The following RIF1 variants were observed in gnomAD, a reference collection of about 807,000 sequenced individuals.
The protein encoded by RIF1 is replication timing regulatory factor 1.
RIF1 carries 45 observed loss-of-function variants against 247.1 expected under a neutral mutation model. That is an observed-to-expected ratio of 0.18 (90% CI 0.14 to 0.23). RIF1 has a LOEUF of 0.23. Ranked by LOEUF, RIF1 falls within the 10% of genes least tolerant of loss-of-function variation. The pLI is 1.00. For synonymous variants in RIF1, 1,087 were observed against 978.8 expected (o/e 1.11, Z -2.06); for missense variants, 2,967 against 2,862.5 (o/e 1.04, Z -0.83).
intron 21 of RIF1, among the ~76,000 whole-genome samples, chr2:151,452,774 A>AGT (rs1388501611): frequency 6.6e-6 from 1 of 152,232 alleles, no homozygotes; most frequent in Non-Finnish European, 1.5e-5. Flanking sequence ...AAGCCACTGA[A>AGT]GTTTCATAGA....
the RIF1 span, chr2:151,520,039 CAAAA>C: frequency 2.3e-4 from 37 of 159,024 alleles, no homozygotes; most frequent in South Asian, 4.2e-4. Context: ...TAATGCAAAA[CAAAA>C]AAAAAAAAAA....
Position 151,458,853 on chromosome 2 carries a change from G to T in RIF1, c.2898G>T (p.Leu966Phe). The change falls in exon 25 of 36, where the codon TTG becomes TTT. Residue 966 changes from leucine to phenylalanine, a missense_variant. By Grantham distance (22) the Leu-to-Phe change is conservative. Coordinates refer to ENST00000444746, the MANE Select transcript of RIF1 (RefSeq NM_018151.5). ...CCAAACAAAAATTTCTGCTCCTGTT[G>T]CCTGGTTTGGAAACTGTTGAAATGA... ...TQAKQKFLLL[L>F]PGLETVEMME... 1 of 1,613,156 alleles carries T rather than the reference G, an allele frequency of 6.2e-7. No individual in the cohort carries two copies. The highest frequency in any genetic ancestry group is 1.1e-5 in the South Asian group (1 of 90,972).
At position 151,466,073 on chromosome 2, in the gene RIF1, G is replaced by A. The variant is rs1429232105; in HGVS notation, c.6553G>A (p.Gly2185Arg). The A allele has an allele frequency of 1.1e-5, 17 of 1,601,244 alleles. No homozygotes were observed. Among genetic ancestry groups the A allele is most frequent in the Non-Finnish European group, 1.4e-5 (17 of 1,172,944 alleles). The stretch of plus-strand genomic sequence containing the variant: ...TCCGTCTACGAGCATTTTAAAGAGA[G>A]GACTAAAAAGATCCCAAGAAGATGA... ...ASPSTSILKR[G>R]LKRSQEDEIS... Residue 2185 changes from glycine (G) to arginine (R), a missense_variant, in exon 30 of 36, where the codon GGA becomes AGA. Transcript: ENST00000444746.
chr2:151,454,139 A>G (rs1433632536), intron 21 of RIF1, among the ~76,000 whole-genome samples: 1 of 152,210 alleles, frequency 6.6e-6, no homozygotes, highest in Non-Finnish European at 1.5e-5. Context: ...CTTGTTTTTC[A>G]TGTTACCATA....
the RIF1 span, chr2:151,532,177 A>C: frequency 4.0e-6 from 1 of 247,586 alleles, no homozygotes; most frequent in Non-Finnish European, 7.8e-6. Flanking sequence ...GCTCACTGCA[A>C]CCTCCACCTC....
chr2:151,468,797 C>A, intron 33 of RIF1, 41 bp downstream of exon 33: 1 of 1,372,100 alleles, frequency 7.3e-7, no homozygotes, highest in Non-Finnish European at 1.0e-6. Flanking sequence ...TTCCAAGATG[C>A]CACTTATTTA....
At chr2:151,524,299 C>T in the RIF1 span, 1 of 1,607,826 alleles carries the variant, frequency 6.2e-7, no homozygotes, top group Non-Finnish European at 8.5e-7. Flanking sequence ...CCAGTGCACC[C>T]ATCTGCATTA....
rs752076078 is a variant in RIF1 at position 151,465,127 on chromosome 2, G to C, written c.5607G>C (p.Ser1869=). 2 of 1,612,676 alleles carry C rather than the reference G, an allele frequency of 1.2e-6. No homozygotes were observed. Among genetic ancestry groups the C allele is most frequent in the African/African-American group, 2.7e-5 (2 of 74,702 alleles). Residue 1869 remains serine (S), a synonymous_variant, in exon 30 of 36, where the codon TCG becomes TCC. Transcript: ENST00000444746. ...CTGTTGGCCCGTGTTTAGGAGACTCGAAAAATGTTTCACAGGAATCTTTGG... is the reference window on the plus strand; with the variant it reads ...CTGTTGGCCCGTGTTTAGGAGACTCCAAAAATGTTTCACAGGAATCTTTGG... ...FKTVGPCLGD[S]KNVSQESLET...
At chr2:151,496,420 G>A in intron 10 of RIF1, 1 of 1,551,630 alleles carries the variant, frequency 6.4e-7, no homozygotes, top group South Asian at 1.2e-5. Context: ...CATTTCATTT[G>A]TTGAGAGGTT....
the RIF1 span, chr2:151,514,982 A>T: frequency 1.8e-6 from 2 of 1,102,546 alleles, no homozygotes; most frequent in East Asian, 2.6e-5. Flanking sequence ...ATTACAATAT[A>T]TCTCTCCATC....
chr2:151,445,737 G>GC (rs1309128644), intron 19 of RIF1, among the ~76,000 whole-genome samples: 3 of 151,888 alleles, frequency 2.0e-5, no homozygotes, highest in African/African-American at 7.3e-5. Flanking sequence ...TAGTAGAAAT[G>GC]GAGTTTCACC....
chr2:151,473,064 A>C (rs929667285), intron 34 of RIF1, among the ~76,000 whole-genome samples: 1 of 152,042 alleles, frequency 6.6e-6, no homozygotes, highest in Non-Finnish European at 1.5e-5. Flanking sequence ...TATCCAGTTG[A>C]CAGACATTTG....
chr2:151,449,155 G>C (rs1048311941), intron 20 of RIF1, among the ~76,000 whole-genome samples: 1 of 152,076 alleles, frequency 6.6e-6, no homozygotes, highest in Non-Finnish European at 1.5e-5. Context: ...ATACTTGCTT[G>C]TTGCTGAAGG....
At chr2:151,507,617 G>A (rs907785672) in intron 13 of RIF1, 17 of 205,688 alleles carry the variant, frequency 8.3e-5, no homozygotes, top group Non-Finnish European at 1.1e-4. Flanking sequence ...TCACACTTCC[G>A]CATCTCTATC....
At chr2:151,529,206 T>G in the RIF1 span, 3 of 1,597,460 alleles carry the variant, frequency 1.9e-6, no homozygotes, top group Non-Finnish European at 2.6e-6. Context: ...TTTCTGGAAC[T>G]TACATTGGTG....
At chr2:151,445,993 G>A (rs1693199263) in intron 19 of RIF1, among the ~76,000 whole-genome samples, 1 of 152,104 alleles carries the variant, frequency 6.6e-6, no homozygotes, top group South Asian at 2.1e-4. Flanking sequence ...TGGGGGAAAG[G>A]TTATTACCCT....
chr2:151,420,235 G>A lies in RIF1; in HGVS notation c.549G>A (p.Arg183=). The A allele has an allele frequency of 6.2e-7, 1 of 1,614,114 alleles. No individual in the cohort carries two copies. The highest frequency in any genetic ancestry group is 8.5e-7 in the Non-Finnish European group (1 of 1,180,006). The change falls in exon 7 of 36, where the codon AGG becomes AGA. Residue 183 remains arginine (R), a synonymous_variant. Transcript: ENST00000444746. ...TTCAAATGGGAGAAGAGGCAGTGAGGTGGGCAAAACTGGTCATACCTTTAG... is the reference window on the plus strand; with the variant it reads ...TTCAAATGGGAGAAGAGGCAGTGAGATGGGCAAAACTGGTCATACCTTTAG... ...APIQMGEEAV[R]WAKLVIPLVV... is the part of the protein sequence containing the mutation.
intron 9 of RIF1, chr2:151,491,608 G>A (rs527256438): frequency 3.2e-6 from 4 of 1,248,782 alleles, no homozygotes; most frequent in Non-Finnish European, 4.6e-6. Context: ...GAACTTCAGA[G>A]CCCAAATGAA....
At chr2:151,426,699 G>C (rs768449542) in intron 8 of RIF1, among the ~76,000 whole-genome samples, 1 of 149,904 alleles carries the variant, frequency 6.7e-6, no homozygotes, top group Admixed American at 6.7e-5. Flanking sequence ...GTCTCGCTCT[G>C]TTGTCCTGGC....
Sources: allele counts gnomAD v4.1 joint callset (sites outside exome capture counted in the v4.1 genomes callset), GRCh38; gene constraint gnomAD v4.1.1; transcripts MANE v1.5; gene names NCBI Gene and HGNC (gene_info 2026-07-23, HGNC 2026-07-21).